EHHADH: variants seen among roughly 807,000 people sequenced by gnomAD.
EHHADH encodes the protein peroxisomal bifunctional enzyme.
EHHADH carries 48 observed loss-of-function variants against 64.4 expected under a neutral mutation model. The ratio of observed to expected loss-of-function variants is 0.75; its 90% CI spans 0.59 to 0.95. EHHADH has a LOEUF of 0.95. EHHADH is among the 40% of genes least tolerant of loss of function. EHHADH has a pLI of 0.00. For missense variants in EHHADH, 854 were observed against 876.6 expected (o/e 0.97, Z 0.33); for synonymous variants, 308 against 326.7 (o/e 0.94, Z 0.62).
intron 6 of EHHADH, among the ~76,000 whole-genome samples, chr3:185,194,313 A>G (rs1216409694): frequency 6.6e-6 from 1 of 152,110 alleles, no homozygotes. Context: ...TCTATAAAAA[A>G]TTAAAAATTA....
Position 185,213,119 on chromosome 3 carries a change from C to CAAAAAAAAAAAAA in EHHADH, c.568+5004_568+5016dup, listed in dbSNP as rs550233979. On this transcript the variant is annotated intron_variant, in intron 5 of 6. Transcript: ENST00000231887. ...TGGGTGAAGAAGCAAGACTCTGTCT[C>CAAAAAAAAAAAAA]AAAAAAAAAAAAAAAAAAAAAAAAA... 3.0e-4 allele frequency among the ~76,000 whole-genome samples: 13 copies of CAAAAAAAAAAAAA among 43,056 alleles called. 1 individual carries two copies. The highest frequency in any genetic ancestry group is 2.6e-3 in the East Asian group (2 of 784). 28.2% of individuals were successfully genotyped at this position (43,056 alleles called of 152,430 possible).
intron 2 of EHHADH, among the ~76,000 whole-genome samples, chr3:185,241,494 C>T (rs918122104): frequency 2.0e-5 from 3 of 152,176 alleles, no homozygotes; most frequent in Non-Finnish European, 4.4e-5. Context: ...TATGACCATT[C>T]TTGCGGGAGT....
At chr3:185,239,298 TG>T (rs1250012263) in intron 2 of EHHADH, among the ~76,000 whole-genome samples, 2 of 152,142 alleles carry the variant, frequency 1.3e-5, no homozygotes, top group Non-Finnish European at 2.9e-5. Context: ...ATTTTAGGAT[TG>T]TTTTTTCTAA....
intron 2 of EHHADH, among the ~76,000 whole-genome samples, chr3:185,243,814 T>C (rs1719519651): frequency 6.6e-6 from 1 of 152,200 alleles, no homozygotes; most frequent in South Asian, 2.1e-4. Context: ...TAGAAAAATG[T>C]GTATTTTGCG....
intron 2 of EHHADH, among the ~76,000 whole-genome samples, chr3:185,237,263 T>A (rs1412135468): frequency 2.0e-5 from 3 of 152,238 alleles, no homozygotes; most frequent in African/African-American, 7.2e-5. Context: ...AACAATTTTT[T>A]AATAGATTAT....
At chr3:185,252,336 G>C (rs1314287761) in intron 1 of EHHADH, among the ~76,000 whole-genome samples, 2 of 151,804 alleles carry the variant, frequency 1.3e-5, no homozygotes, top group Non-Finnish European at 2.9e-5. Flanking sequence ...GGAGGCAGAG[G>C]TTGCAGTGAG....
chr3:185,248,407 G>T lies in EHHADH; in HGVS notation c.178+7C>A. 6.2e-7 allele frequency: 1 copy of T among 1,600,282 alleles called. No homozygotes were observed. Among genetic ancestry groups the T allele is most frequent in the Non-Finnish European group, 8.6e-7 (1 of 1,167,424 alleles). On this transcript the variant is annotated splice_region_variant and intron_variant, in intron 2 of 6. Coordinates refer to ENST00000231887, the MANE Select transcript of EHHADH (RefSeq NM_001966.4). ...GAGATGGTGGGAGAGGGTTAGACTT[G>T]AGTTACCTGCAGAAAATTTGCCCTC...
At position 185,192,161 on chromosome 3, in the gene EHHADH, A is replaced by G. The variant is rs1426449879; in HGVS notation, c.*65T>C. On this transcript the variant is annotated 3_prime_UTR_variant, in exon 7 of 7. Transcript: ENST00000231887. ...AATCTTACTTTGGATTTTTGATTTA[A>G]TTTCACTGAAATTCAGTCAGCATTA... 1 of 1,496,902 alleles carries G rather than the reference A, an allele frequency of 6.7e-7. No homozygotes were observed. The highest frequency in any genetic ancestry group is 9.0e-7 in the Non-Finnish European group (1 of 1,111,878). 92.7% of individuals were successfully genotyped at this position (1,496,902 alleles called of 1,614,324 possible). A position where few individuals can be genotyped will look rare whatever the true frequency, so the allele number is the denominator to read the frequency against.
chr3:185,206,830 A>G (rs1166897545), intron 5 of EHHADH, among the ~76,000 whole-genome samples: 2 of 151,764 alleles, frequency 1.3e-5, no homozygotes, highest in Admixed American at 6.6e-5. Flanking sequence ...TCTGTCTCCA[A>G]AAAAAACAGA....
In EHHADH at chr3:185,204,622, C is replaced by A. The variant is rs148423296; in HGVS notation, c.704G>T (p.Arg235Leu). Residue 235 changes from arginine (R) to leucine (L), a missense_variant, in exon 6 of 7, where the codon CGT (arginine) becomes CTT (leucine). Physicochemically the swap from Arg to Leu is moderately radical, Grantham distance 102. Transcript: ENST00000231887. Reference protein sequence around the residue: ...PGCLAQEACVRAVQAAVQYPY... With the variant: ...PGCLAQEACVLAVQAAVQYPY... Reference sequence around the variant, plus strand: ...ATACTGCACAGCAGCCTGGACTGCACGGACACAAGCCTCCTGTGCAAGACA... The same window carrying A: ...ATACTGCACAGCAGCCTGGACTGCAAGGACACAAGCCTCCTGTGCAAGACA... 3.1e-6 allele frequency: 5 copies of A among 1,614,232 alleles called. No homozygotes were observed. The South Asian group carries it at 5.5e-5, about 18-fold the overall frequency.
chr3:185,202,995 G>T lies in EHHADH; in HGVS notation c.910+1421C>A, dbSNP rs760027609. Among the ~76,000 whole-genome samples, 24 of 150,522 alleles carry T rather than the reference G, an allele frequency of 1.6e-4. 1 individual carries two copies. Among genetic ancestry groups the T allele is most frequent in the Non-Finnish European group, 8.9e-5 (6 of 67,786 alleles). On this transcript the variant is annotated intron_variant, in intron 6 of 6. Transcript: ENST00000231887. ...GTTGCCAAAGGCCAGGAAGGGGAGG[G>T]GGGGATGGGAGATGAAGGGAAAAAA...
At chr3:185,202,076 G>A (rs1381944471) in intron 6 of EHHADH, among the ~76,000 whole-genome samples, 9 of 152,178 alleles carry the variant, frequency 5.9e-5, no homozygotes, top group Admixed American at 5.2e-4. Flanking sequence ...AAAGGCTCAC[G>A]CCTGTAACTC....
intron 5 of EHHADH, among the ~76,000 whole-genome samples, chr3:185,209,440 C>A (rs1465371711): frequency 6.6e-6 from 1 of 152,054 alleles, no homozygotes; most frequent in East Asian, 1.9e-4. Flanking sequence ...TTCAGCTATA[C>A]CAGAAGTTGT....
In EHHADH at chr3:185,204,146, A is replaced by T. The variant is rs915466868; in HGVS notation, c.910+270T>A. Among the ~76,000 whole-genome samples the T allele has an allele frequency of 6.0e-5, 9 of 150,862 alleles. No individual in the cohort carries two copies. In the South Asian group the frequency reaches 1.5e-3, roughly 25 times the overall value. ...AGACTCTGTCTCAAAAAAAAAAAAA[A>T]AAAAAAAAAAAAGAATAAAACATTC... On this transcript the variant is annotated intron_variant, in intron 6 of 6. Coordinates refer to ENST00000231887, the MANE Select transcript of EHHADH (RefSeq NM_001966.4).
Position 185,192,182 on chromosome 3 carries a change from C to T in EHHADH, c.*44G>A. 6.4e-7 allele frequency: 1 copy of T among 1,558,438 alleles called. No homozygotes were observed. Among genetic ancestry groups the T allele is most frequent in the Non-Finnish European group, 8.7e-7 (1 of 1,150,044 alleles). ...TTTAATTTCACTGAAATTCAGTCAG[C>T]ATTACCTGATGCTAGCATGTGAGGC... is the stretch of plus-strand genomic sequence containing the variant. On this transcript the variant is annotated 3_prime_UTR_variant, in exon 7 of 7. Coordinates refer to ENST00000231887, the MANE Select transcript of EHHADH (RefSeq NM_001966.4).
intron 2 of EHHADH, among the ~76,000 whole-genome samples, chr3:185,236,688 A>C (rs893898895): frequency 4.0e-5 from 6 of 151,814 alleles, no homozygotes; most frequent in Non-Finnish European, 8.8e-5. Context: ...CTTTTTTCTC[A>C]CCAATTCATT....
chr3:185,192,597 A>G lies in EHHADH; in HGVS notation c.1801T>C (p.Ser601Pro), dbSNP rs745676620. 1.9e-5 allele frequency: 30 copies of G among 1,614,210 alleles called. No individual in the cohort carries two copies. Among genetic ancestry groups the G allele is most frequent in the Non-Finnish European group, 2.5e-5 (29 of 1,180,038 alleles). Residue 601 changes from serine (S) to proline (P), a missense_variant, in exon 7 of 7, where the codon TCA becomes CCA. Coordinates refer to ENST00000231887, the MANE Select transcript of EHHADH (RefSeq NM_001966.4). ...KPDPWLSKFL[S>P]RYRKTHHIEP... ...ATGTGATGGGTTTTTCTATACCGTG[A>G]TAGGAATTTGGAAAGCCAGGGATCA... is the stretch of plus-strand genomic sequence containing the variant.
At chr3:185,205,802 T>C (rs1274063214) in intron 5 of EHHADH, among the ~76,000 whole-genome samples, 1 of 152,100 alleles carries the variant, frequency 6.6e-6, no homozygotes, top group Non-Finnish European at 1.5e-5. Flanking sequence ...GTGTGCATTT[T>C]TATTCAAAGT....
chr3:185,207,030 G>A (rs1718416030), intron 5 of EHHADH, among the ~76,000 whole-genome samples: 1 of 152,108 alleles, frequency 6.6e-6, no homozygotes, highest in Non-Finnish European at 1.5e-5. Context: ...GCCCACGCCT[G>A]TAATTCCAGT....
Sources: gnomAD v4.1 joint callset for allele counts (sites outside exome capture counted in the v4.1 genomes callset) on GRCh38, gnomAD v4.1.1 for gene constraint, MANE v1.5 for transcripts, NCBI Gene and HGNC (gene_info 2026-07-23, HGNC 2026-07-21) for gene names.